Variants in WWC2 observed in about 807,000 individuals in gnomAD.
WWC2 encodes WW and C2 domain containing 2, also known as protein WWC2.
Under a neutral mutation model 138.5 loss-of-function variants are expected in WWC2, and 101 were observed. That is an observed-to-expected ratio of 0.73 (90% CI 0.62 to 0.86). The LOEUF (loss-of-function observed/expected upper bound fraction) is 0.86. WWC2 is among the 40% of genes least tolerant of loss of function. The probability of loss-of-function intolerance (pLI) is 0.00; values close to 1 mark genes in which losing one functional copy is unlikely to be tolerated. For synonymous variants in WWC2, 558 were observed against 538.4 expected, an observed-to-expected ratio of 1.04 and a Z score of -0.50; for missense variants, 1,420 against 1,419.4, an observed-to-expected ratio of 1.00 and a Z score of -0.01.
chr4:183,166,378 C>T (rs148272241), intron 1 of WWC2, among the ~76,000 whole-genome samples: 5 of 152,260 alleles, frequency 3.3e-5, no homozygotes, highest in African/African-American at 9.6e-5. Flanking sequence ...GCTCCTGTGT[C>T]GGCAGAATGT....
intron 9 of WWC2, among the ~76,000 whole-genome samples, chr4:183,256,281 C>CT (rs535786642): frequency 4.9e-4 from 74 of 152,314 alleles, no homozygotes; most frequent in African/African-American, 1.7e-3. Context: ...TTTCTAACTC[C>CT]TATCCTGGGA....
At chr4:183,181,045 T>C (rs1560829253) in intron 1 of WWC2, among the ~76,000 whole-genome samples, 1 of 152,210 alleles carries the variant, frequency 6.6e-6, no homozygotes, top group South Asian at 2.1e-4. Context: ...ATGCCATTTG[T>C]AGTTGAGAGA....
At chr4:183,188,372 G>T (rs1580033151) in intron 1 of WWC2, among the ~76,000 whole-genome samples, 1 of 151,908 alleles carries the variant, frequency 6.6e-6, no homozygotes, top group East Asian at 1.9e-4. Context: ...CGAGTAGCTG[G>T]GATTACAGAT....
intron 2 of WWC2, among the ~76,000 whole-genome samples, chr4:183,204,318 A>G (rs1735384513): frequency 1.3e-5 from 2 of 152,228 alleles, no homozygotes; most frequent in African/African-American, 4.8e-5. Flanking sequence ...ATACCAGGAT[A>G]GGACACCAAC....
In WWC2 at chr4:183,282,828, G is replaced by A; in HGVS notation, c.2805G>A (p.Met935Ile). 6.3e-7 allele frequency: 1 copy of A among 1,591,208 alleles called. No homozygotes were observed. Among genetic ancestry groups the A allele is most frequent in the Non-Finnish European group, 8.6e-7 (1 of 1,168,400 alleles). The change falls in exon 18 of 23, where the codon ATG becomes ATA. Residue 935 changes from methionine to isoleucine, a missense_variant. Transcript: ENST00000403733. ...DLSSCTSVPEMNEDGNRKESN... is the reference protein window; with the variant it reads ...DLSSCTSVPEINEDGNRKESN... ...GTTCATGCACTAGTGTGCCTGAGATGAATGAAGACGGGAACAGGAAAGAAA... is the reference window on the plus strand; with the variant it reads ...GTTCATGCACTAGTGTGCCTGAGATAAATGAAGACGGGAACAGGAAAGAAA...
At chr4:183,227,694 A>C (rs1736111883) in intron 4 of WWC2, among the ~76,000 whole-genome samples, 1 of 152,080 alleles carries the variant, frequency 6.6e-6, no homozygotes, top group Non-Finnish European at 1.5e-5. Flanking sequence ...AAAGGTCCAA[A>C]ATTAGCAAGT....
chr4:183,172,649 A>G (rs1734329926), intron 1 of WWC2, among the ~76,000 whole-genome samples: 1 of 141,898 alleles, frequency 7.0e-6, no homozygotes, highest in African/African-American at 2.6e-5. Flanking sequence ...TTTTGCCCTC[A>G]TGTTCTAAAA....
chr4:183,110,642 A>G (rs1206192284), intron 1 of WWC2, among the ~76,000 whole-genome samples: 2 of 152,190 alleles, frequency 1.3e-5, no homozygotes, highest in South Asian at 2.1e-4. Flanking sequence ...AAAGGTGTAC[A>G]TTTAATGTAC....
chr4:183,238,500 G>A (rs778231944), intron 4 of WWC2, among the ~76,000 whole-genome samples: 20 of 152,098 alleles, frequency 1.3e-4, no homozygotes, highest in Non-Finnish European at 2.6e-4. Flanking sequence ...AATTCTCAAC[G>A]TGGCATCTGT....
intron 6 of WWC2, among the ~76,000 whole-genome samples, chr4:183,247,994 A>G (rs1736853455): frequency 6.6e-6 from 1 of 151,646 alleles, no homozygotes; most frequent in African/African-American, 2.4e-5. Flanking sequence ...GTTTTAAGTA[A>G]TTCAGATTAG....
At chr4:183,273,896 G>C (rs939879426) in intron 16 of WWC2, among the ~76,000 whole-genome samples, 43 of 152,176 alleles carry the variant, frequency 2.8e-4, no homozygotes, top group Admixed American at 9.8e-4. Flanking sequence ...TTATATTTAG[G>C]TCTCTGATTC....
intron 1 of WWC2, among the ~76,000 whole-genome samples, chr4:183,137,554 A>T (rs35775377): frequency 1.3e-5 from 2 of 151,600 alleles, no homozygotes; most frequent in Admixed American, 6.6e-5. Context: ...GCTGGAGTGC[A>T]GTGGCACGAT....
intron 4 of WWC2, among the ~76,000 whole-genome samples, chr4:183,222,436 C>A (rs1410762877): frequency 6.6e-6 from 1 of 151,876 alleles, no homozygotes; most frequent in Non-Finnish European, 1.5e-5. Context: ...AAACCCAAAT[C>A]ATAAAATATC....
intron 18 of WWC2, among the ~76,000 whole-genome samples, chr4:183,283,611 C>A (rs145849734): frequency 1.4e-4 from 21 of 152,314 alleles, no homozygotes; most frequent in Admixed American, 4.6e-4. Context: ...AAAAAATAGA[C>A]ATCTGCCTAT....
intron 4 of WWC2, among the ~76,000 whole-genome samples, chr4:183,235,058 A>G (rs1736374698): frequency 6.6e-6 from 1 of 152,200 alleles, no homozygotes; most frequent in South Asian, 2.1e-4. Flanking sequence ...TCTGCTTGGA[A>G]ATATTCATTT....
rs1309910438 is a variant in WWC2 at position 183,099,413 on chromosome 4, C to G, written c.-79C>G. 7 of 1,178,500 alleles carry G rather than the reference C, an allele frequency of 5.9e-6. No homozygotes were observed. The highest frequency in any genetic ancestry group is 3.4e-4 in the Middle Eastern group (1 of 2,904). The allele number at this position is 1,178,500 out of a possible 1,614,324, so 73.0% of individuals were successfully genotyped here. On this transcript the variant is annotated 5_prime_UTR_variant, in exon 1 of 23. Coordinates refer to ENST00000403733, the MANE Select transcript of WWC2 (RefSeq NM_024949.6). ...GGCGCCCGCGTCGCGGGTTGGCAGC[C>G]TAGCCCGGCAGCCGCGTTCCCGCCG...
intron 1 of WWC2, among the ~76,000 whole-genome samples, chr4:183,184,945 C>G (rs1734746825): frequency 1.3e-5 from 2 of 151,894 alleles, no homozygotes; most frequent in Non-Finnish European, 2.9e-5. Context: ...AACAGAGATA[C>G]TTGTAAAGCC....
intron 1 of WWC2, among the ~76,000 whole-genome samples, chr4:183,178,669 A>G (rs1734535701): frequency 6.6e-6 from 1 of 152,022 alleles, no homozygotes; most frequent in African/African-American, 2.4e-5. Flanking sequence ...GTTAGTTCTT[A>G]TAACTCTCCA....
intron 1 of WWC2, among the ~76,000 whole-genome samples, chr4:183,174,608 T>C (rs555088606): frequency 6.6e-6 from 1 of 152,356 alleles, no homozygotes; most frequent in East Asian, 1.9e-4. Flanking sequence ...ATCTGTGTAG[T>C]GTTTACTGGA....
Sources: allele counts gnomAD v4.1 joint callset (sites outside exome capture counted in the v4.1 genomes callset), GRCh38; gene constraint gnomAD v4.1.1; transcripts MANE v1.5; gene names NCBI Gene and HGNC (gene_info 2026-07-23, HGNC 2026-07-21).